HACD2: variants seen among roughly 807,000 people sequenced by gnomAD.
HACD2 encodes the protein 3-hydroxyacyl-CoA dehydratase 2.
A neutral mutation model predicts 31.0 loss-of-function variants in HACD2; 15 were observed. The ratio of observed to expected loss-of-function variants is 0.48; its 90% CI spans 0.32 to 0.75. HACD2 has a LOEUF of 0.75. Among genes scored for constraint, HACD2 ranks in the 30% least tolerant of loss-of-function variants. HACD2 has a pLI of 0.03. For synonymous variants in HACD2, 115 were observed against 122.2 expected, an observed-to-expected ratio of 0.94 and a Z score of 0.39; for missense variants, 283 against 313.0, an observed-to-expected ratio of 0.90 and a Z score of 0.72.
intron 4 of HACD2, among the ~76,000 whole-genome samples, chr3:123,510,429 G>T (rs2056043416): frequency 6.6e-6 from 1 of 152,096 alleles, no homozygotes; most frequent in South Asian, 2.1e-4. Flanking sequence ...TATATTTTTA[G>T]TGGAGACAGG....
chr3:123,497,244 G>C (rs1277733728), intron 6 of HACD2, among the ~76,000 whole-genome samples: 1 of 152,194 alleles, frequency 6.6e-6, no homozygotes, highest in Non-Finnish European at 1.5e-5. Flanking sequence ...GAATAGCACT[G>C]AAAAAACCCC....
At position 123,495,181 on chromosome 3, in the gene HACD2, T is replaced by C. The variant is rs187039871; in HGVS notation, c.683-211A>G. Among the ~76,000 whole-genome samples the C allele has an allele frequency of 2.8e-3, 429 of 152,330 alleles. 3 individuals are homozygous for C. The highest frequency in any genetic ancestry group is 9.8e-3 in the African/African-American group (407 of 41,574). ...CTGCTTTAGCTGAGGGAAGAAGTGG[T>C]GTGGAATACAATGACAGACACTATT... On this transcript the variant is annotated intron_variant, in intron 6 of 6. Coordinates refer to ENST00000383657, the MANE Select transcript of HACD2 (RefSeq NM_198402.5).
intron 2 of HACD2, among the ~76,000 whole-genome samples, chr3:123,571,806 TGGTATTTTTGTTTTACA>T: frequency 6.6e-6 from 1 of 152,232 alleles, no homozygotes; most frequent in Non-Finnish European, 1.5e-5. Flanking sequence ...GCTAGGTTTG[TGGTATTTTTGTTTTACA>T]GCAACAAAAA....
chr3:123,562,995 A>G (rs2056751033), intron 3 of HACD2, among the ~76,000 whole-genome samples: 1 of 152,218 alleles, frequency 6.6e-6, no homozygotes, highest in Non-Finnish European at 1.5e-5. Flanking sequence ...AGGAACTGAA[A>G]TAACTTTGAA....
intron 3 of HACD2, among the ~76,000 whole-genome samples, chr3:123,539,794 AAT>A (rs2056466545): frequency 6.6e-6 from 1 of 151,504 alleles, no homozygotes; most frequent in South Asian, 2.1e-4. Context: ...CCATGAAAGA[AAT>A]AAAACCTGGG....
intron 4 of HACD2, among the ~76,000 whole-genome samples, chr3:123,512,623 G>A (rs902099320): frequency 6.6e-6 from 1 of 152,302 alleles, no homozygotes; most frequent in Admixed American, 6.5e-5. Flanking sequence ...CAGTTACATG[G>A]AGCAAACAGG....
intron 4 of HACD2, among the ~76,000 whole-genome samples, chr3:123,506,677 C>A (rs2055979354): frequency 1.3e-5 from 2 of 152,080 alleles, no homozygotes; most frequent in African/African-American, 4.8e-5. Context: ...TCAAGTGATC[C>A]TCCCTCCTCG....
chr3:123,555,572 A>T (rs2056664199), intron 3 of HACD2, among the ~76,000 whole-genome samples: 2 of 152,258 alleles, frequency 1.3e-5, no homozygotes, highest in Admixed American at 1.3e-4. Flanking sequence ...CAATGATAAA[A>T]GAAATCAAAG....
At chr3:123,573,719 G>C (rs1375469077) in intron 2 of HACD2, among the ~76,000 whole-genome samples, 2 of 152,168 alleles carry the variant, frequency 1.3e-5, no homozygotes, top group Non-Finnish European at 2.9e-5. Context: ...ACAAGCAAAA[G>C]GGTGTTGGTT....
At chr3:123,543,638 A>G in intron 3 of HACD2, 1 of 400,156 alleles carries the variant, frequency 2.5e-6, no homozygotes, top group Non-Finnish European at 4.8e-6. Context: ...ATCACATAAC[A>G]AAATGGAAAA....
chr3:123,513,859 T>G (rs2056098636), intron 4 of HACD2, among the ~76,000 whole-genome samples: 1 of 152,196 alleles, frequency 6.6e-6, no homozygotes, highest in African/African-American at 2.4e-5. Context: ...TTTCCCGATT[T>G]GGAGAGTTCT....
At chr3:123,549,878 C>T (rs1208041769) in intron 3 of HACD2, among the ~76,000 whole-genome samples, 1 of 152,204 alleles carries the variant, frequency 6.6e-6, no homozygotes, top group Non-Finnish European at 1.5e-5. Flanking sequence ...GGGGTGTTTT[C>T]TGCCCCAAAA....
At position 123,537,042 on chromosome 3, in the gene HACD2, T is replaced by C. The variant is rs180773119; in HGVS notation, c.293-8568A>G. Among the ~76,000 whole-genome samples, 11 of 152,296 alleles carry C rather than the reference T, an allele frequency of 7.2e-5. No homozygotes were observed. In the East Asian group the frequency reaches 2.1e-3, roughly 29 times the overall value. ...ATGGTGGGCACTAAATCCATTCAAA[T>C]ATAATATTAAGACTAAACAATTCTG... On this transcript the variant is annotated intron_variant, in intron 3 of 6. Coordinates refer to ENST00000383657, the MANE Select transcript of HACD2 (RefSeq NM_198402.5).
chr3:123,549,193 T>TA (rs967443630), intron 3 of HACD2, among the ~76,000 whole-genome samples: 15 of 151,732 alleles, frequency 9.9e-5, no homozygotes, highest in African/African-American at 3.4e-4. Context: ...CTTAAGTCAA[T>TA]AAAAAAACAA....
At chr3:123,527,282 GC>G (rs2107705564) in intron 4 of HACD2, among the ~76,000 whole-genome samples, 1 of 152,250 alleles carries the variant, frequency 6.6e-6, no homozygotes, top group East Asian at 1.9e-4. Context: ...ACTTTCCGTA[GC>G]TTCTGTTACA....
At chr3:123,557,516 G>A (rs139150444) in intron 3 of HACD2, among the ~76,000 whole-genome samples, 1 of 152,236 alleles carries the variant, frequency 6.6e-6, no homozygotes, top group South Asian at 2.1e-4. Context: ...GCTCACACCT[G>A]TAGTCCCAGC....
intron 3 of HACD2, among the ~76,000 whole-genome samples, chr3:123,547,597 C>T (rs1433464950): frequency 6.6e-6 from 1 of 152,132 alleles, no homozygotes; most frequent in African/African-American, 2.4e-5. Flanking sequence ...CCCTCACATG[C>T]TATACTACTA....
intron 2 of HACD2, among the ~76,000 whole-genome samples, chr3:123,571,879 C>T (rs751901426): frequency 6.6e-6 from 1 of 152,096 alleles, no homozygotes; most frequent in African/African-American, 2.4e-5. Flanking sequence ...TTTAATTTTT[C>T]CTGAAGATTT....
intron 3 of HACD2, among the ~76,000 whole-genome samples, chr3:123,543,058 A>C (rs1350206987): frequency 6.6e-6 from 1 of 152,244 alleles, no homozygotes; most frequent in East Asian, 1.9e-4. Flanking sequence ...TGGGAATATT[A>C]CATTCCAGGT....
Sources: gnomAD v4.1 joint callset for allele counts (sites outside exome capture counted in the v4.1 genomes callset) on GRCh38, gnomAD v4.1.1 for gene constraint, MANE v1.5 for transcripts, NCBI Gene and HGNC (gene_info 2026-07-23, HGNC 2026-07-21) for gene names.